The following MYO5A variants were observed in gnomAD, a reference collection of about 807,000 sequenced individuals.
The protein encoded by MYO5A is myosin VA, also known as unconventional myosin-Va.
In MYO5A, 98 loss-of-function variants were observed where a neutral mutation model predicts 249.7. The ratio of observed to expected loss-of-function variants is 0.39; its 90% CI spans 0.33 to 0.46. The LOEUF is 0.46. MYO5A is among the 20% of genes least tolerant of loss of function. The pLI is 0.98. For synonymous variants in MYO5A, 778 were observed against 810.6 expected (o/e 0.96, Z 0.68); for missense variants, 1,696 against 2,308.8 (o/e 0.73, Z 5.44).
At chr15:52,441,439 G>T (rs757636062) in intron 1 of MYO5A, among the ~76,000 whole-genome samples, 1 of 152,012 alleles carries the variant, frequency 6.6e-6, no homozygotes, top group Non-Finnish European at 1.5e-5. Context: ...GCTATTGAAG[G>T]CCCTTGATGG....
intron 1 of MYO5A, among the ~76,000 whole-genome samples, chr15:52,482,887 T>G (rs1218703224): frequency 6.6e-6 from 1 of 152,082 alleles, no homozygotes; most frequent in Non-Finnish European, 1.5e-5. Flanking sequence ...GTTTCTAAGG[T>G]CTCCTGTGAT....
chr15:52,518,179 G>T (rs774674258), intron 1 of MYO5A, among the ~76,000 whole-genome samples: 2 of 149,594 alleles, frequency 1.3e-5, no homozygotes, highest in Non-Finnish European at 3.0e-5. Context: ...CACAACTAGG[G>T]ATGGAGGGTG....
rs183384520 is a variant in MYO5A at position 52,433,250 on chromosome 15, G to A, written c.63C>T (p.Val21=). ...CTTTGAGCAGCTCTGCTGACTTCCAGACTTCCTCTGGATCAGGTATCCAAA... is the reference window on the plus strand; with the variant it reads ...CTTTGAGCAGCTCTGCTGACTTCCAAACTTCCTCTGGATCAGGTATCCAAA... ...ARVWIPDPEE[V]WKSAELLKDY... is the part of the protein sequence containing the mutation. The change falls in exon 2 of 42, where the codon GTC becomes GTT. Residue 21 remains valine (V), a synonymous_variant. Transcript: ENST00000399233. The A allele has an allele frequency of 1.5e-5, 24 of 1,613,690 alleles. No homozygotes were observed. The Admixed American group carries it at 3.8e-4, about 26-fold the overall frequency.
chr15:52,413,700 C>G (rs1251215607), intron 5 of MYO5A, among the ~76,000 whole-genome samples: 1 of 152,178 alleles, frequency 6.6e-6, no homozygotes, highest in Non-Finnish European at 1.5e-5. Flanking sequence ...TGATCTTCAG[C>G]TCCATATCAC....
At chr15:52,363,731 CTT>C (rs1273765660) in intron 24 of MYO5A, among the ~76,000 whole-genome samples, 1 of 152,112 alleles carries the variant, frequency 6.6e-6, no homozygotes, top group Non-Finnish European at 1.5e-5. Flanking sequence ...CTTGGGAACT[CTT>C]TGTTTCCTGA....
At position 52,421,116 on chromosome 15, in the gene MYO5A, C is replaced by T. The variant is rs570499819; in HGVS notation, c.455+4714G>A. Among the ~76,000 whole-genome samples the T allele has an allele frequency of 2.0e-5, 3 of 152,254 alleles. No homozygotes were observed. In the South Asian group the frequency reaches 6.2e-4, roughly 32 times the overall value. ...TATATAAAATTATCCTTATGAGGAA[C>T]CATGTATTACTTAAAGCCTATTTGC... On this transcript the variant is annotated intron_variant, in intron 4 of 41. Coordinates refer to ENST00000399233, the MANE Select transcript of MYO5A (RefSeq NM_001382347.1).
At chr15:52,320,656 A>T (rs1275653080) in intron 38 of MYO5A, among the ~76,000 whole-genome samples, 1 of 152,194 alleles carries the variant, frequency 6.6e-6, no homozygotes, top group Non-Finnish European at 1.5e-5. Flanking sequence ...GGAAATGAAG[A>T]AGTTGTGGAA....
At chr15:52,423,105 G>A (rs1381067578) in intron 4 of MYO5A, among the ~76,000 whole-genome samples, 2 of 152,180 alleles carry the variant, frequency 1.3e-5, no homozygotes, top group Admixed American at 1.3e-4. Context: ...GCCCAGAACA[G>A]TGTCTGGCGT....
chr15:52,460,491 C>T (rs926642066), intron 1 of MYO5A, among the ~76,000 whole-genome samples: 5 of 152,178 alleles, frequency 3.3e-5, no homozygotes, highest in Non-Finnish European at 4.4e-5. Flanking sequence ...CCAAAAAATA[C>T]GAAAACCAGT....
intron 29 of MYO5A, 46 bp from the exon 30 acceptor site, chr15:52,346,507 G>C (rs2039635323): frequency 7.3e-6 from 9 of 1,230,162 alleles, no homozygotes; most frequent in Non-Finnish European, 9.5e-6. Flanking sequence ...CAACTCAAAA[G>C]CTTTGGACAT....
At chr15:52,364,236 C>CA (rs879852063) in intron 24 of MYO5A, among the ~76,000 whole-genome samples, 208 of 134,676 alleles carry the variant, frequency 1.5e-3, no homozygotes, top group East Asian at 7.3e-3. Context: ...GACTCCATCT[C>CA]AAAAAAAAAA....
In MYO5A at chr15:52,311,267, C is replaced by G. The variant is rs2037763621; in HGVS notation, c.*2429G>C. 2 of 152,256 alleles carry G rather than the reference C, an allele frequency of 1.3e-5. No individual in the cohort carries two copies. Among genetic ancestry groups the G allele is most frequent in the African/African-American group, 2.4e-5 (1 of 41,468 alleles). 9.4% of individuals were successfully genotyped at this position (152,256 alleles called of 1,614,324 possible). A position where few individuals can be genotyped will look rare whatever the true frequency, so the allele number is the denominator to read the frequency against. On this transcript the variant is annotated 3_prime_UTR_variant, in exon 42 of 42. Coordinates refer to ENST00000399233, the MANE Select transcript of MYO5A (RefSeq NM_001382347.1). Reference sequence around the variant, plus strand: ...TTGAGTCGTGCTACACAGGATGAAGCTGGGGGAGGTCTGGGAGATTTCCAG... The same window carrying G: ...TTGAGTCGTGCTACACAGGATGAAGGTGGGGGAGGTCTGGGAGATTTCCAG...
intron 2 of MYO5A, among the ~76,000 whole-genome samples, chr15:52,430,196 T>C (rs1212245831): frequency 6.6e-6 from 1 of 152,190 alleles, no homozygotes; most frequent in Non-Finnish European, 1.5e-5. Context: ...AATATCACCC[T>C]TGCCTGGGGC....
chr15:52,420,948 G>A (rs948440449), intron 4 of MYO5A, among the ~76,000 whole-genome samples: 1 of 152,140 alleles, frequency 6.6e-6, no homozygotes, highest in African/African-American at 2.4e-5. Context: ...GCCTGGACAA[G>A]CTACTTTCCT....
chr15:52,517,265 A>C (rs1035381231), intron 1 of MYO5A, among the ~76,000 whole-genome samples: 1 of 152,232 alleles, frequency 6.6e-6, no homozygotes, highest in Non-Finnish European at 1.5e-5. Flanking sequence ...AATTAACTAA[A>C]ACTGACTAAG....
chr15:52,487,518 G>A (rs144035161), intron 1 of MYO5A, among the ~76,000 whole-genome samples: 1 of 152,202 alleles, frequency 6.6e-6, no homozygotes, highest in East Asian at 1.9e-4. Flanking sequence ...GAGGTCAGGA[G>A]TTCAAGACCA....
chr15:52,453,626 TAGC>T (rs1442311227), intron 1 of MYO5A, among the ~76,000 whole-genome samples: 3 of 152,012 alleles, frequency 2.0e-5, no homozygotes, highest in Non-Finnish European at 4.4e-5. Context: ...CAAAAAGAAA[TAGC>T]AGCAGGAACC....
At chr15:52,392,889 A>C (rs1180331848) in intron 11 of MYO5A, among the ~76,000 whole-genome samples, 7 of 152,272 alleles carry the variant, frequency 4.6e-5, no homozygotes, top group Non-Finnish European at 1.0e-4. Context: ...TACAAAGGAA[A>C]ATAACGTGAA....
At chr15:52,482,971 T>G (rs1368076582) in intron 1 of MYO5A, among the ~76,000 whole-genome samples, 1 of 152,056 alleles carries the variant, frequency 6.6e-6, no homozygotes, top group African/African-American at 2.4e-5. Context: ...CACATATGAA[T>G]ACAGAGGAAA....
Sources: gnomAD v4.1 joint callset for allele counts (sites outside exome capture counted in the v4.1 genomes callset) on GRCh38, gnomAD v4.1.1 for gene constraint, MANE v1.5 for transcripts, NCBI Gene and HGNC (gene_info 2026-07-23, HGNC 2026-07-21) for gene names.